The following KIAA1191 variants were observed in gnomAD, a reference collection of about 807,000 sequenced individuals.
KIAA1191 encodes KIAA1191.
A neutral mutation model predicts 31.1 loss-of-function variants in KIAA1191; 22 were observed. The ratio of observed to expected loss-of-function variants is 0.71; its 90% CI spans 0.51 to 1.01. The LOEUF (loss-of-function observed/expected upper bound fraction) is 1.01. Ranked by LOEUF, KIAA1191 falls within the 50% of genes least tolerant of loss-of-function variation. The pLI is 0.00. For missense variants in KIAA1191, 319 were observed against 388.0 expected, an observed-to-expected ratio of 0.82 and a Z score of 1.49; for synonymous variants, 130 against 143.9, an observed-to-expected ratio of 0.90 and a Z score of 0.69.
Position 176,359,524 on chromosome 5 carries a change from C to T in KIAA1191, c.-16G>A. ...TTGAAGCCATTGAAAGACTGGGATCCAGGTGCTTTTTCTATACAGAATTCC... is the reference window on the plus strand; with the variant it reads ...TTGAAGCCATTGAAAGACTGGGATCTAGGTGCTTTTTCTATACAGAATTCC... On this transcript the variant is annotated 5_prime_UTR_variant, in exon 3 of 9. Transcript: ENST00000298569. 16 of 1,611,816 alleles carry T rather than the reference C, an allele frequency of 9.9e-6. No individual in the cohort carries two copies. Among genetic ancestry groups the T allele is most frequent in the Non-Finnish European group, 1.3e-5 (15 of 1,178,136 alleles).
rs1004664116 is a variant in KIAA1191 at position 176,346,578 on chromosome 5, T to A, written c.*1022A>T. 1.3e-5 allele frequency: 2 copies of A among 152,252 alleles called. No homozygotes were observed. The highest frequency in any genetic ancestry group is 4.8e-5 in the African/African-American group (2 of 41,466). 9.4% of individuals were successfully genotyped at this position (152,252 alleles called of 1,614,324 possible). ...TCTCTTAGGAAGTTTTTAACCAAAT[T>A]ACAGCTAAATTAATCTCACTTTAAA... On this transcript the variant is annotated 3_prime_UTR_variant, in exon 9 of 9. Coordinates refer to ENST00000298569, the MANE Select transcript of KIAA1191 (RefSeq NM_020444.5).
In KIAA1191 at chr5:176,359,804, A is replaced by G. The variant is rs1332845765; in HGVS notation, c.-60+7T>C. The G allele has an allele frequency of 3.2e-6, 1 of 316,754 alleles. No individual in the cohort carries two copies. The highest frequency in any genetic ancestry group is 2.1e-5 in the African/African-American group (1 of 47,912). The allele number at this position is 316,754 out of a possible 1,614,324, so 19.6% of individuals were successfully genotyped here. A position where few individuals can be genotyped will look rare whatever the true frequency, so the allele number is the denominator to read the frequency against. Reference sequence around the variant, plus strand: ...AGATGCCATACATGGTGAAAAAGTCACCTTACCACAGTGAAATGATGTGAT... The same window carrying G: ...AGATGCCATACATGGTGAAAAAGTCGCCTTACCACAGTGAAATGATGTGAT... On this transcript the variant is annotated splice_region_variant and intron_variant, in intron 2 of 8. Transcript: ENST00000298569.
chr5:176,358,576 C>T (rs1009522558), intron 3 of KIAA1191, among the ~76,000 whole-genome samples: 1 of 151,960 alleles, frequency 6.6e-6, no homozygotes, highest in African/African-American at 2.4e-5. Flanking sequence ...ATTAGCCGGG[C>T]GTGGTGGCAG....
At position 176,346,395 on chromosome 5, in the gene KIAA1191, C is replaced by T. The variant is rs1280381398; in HGVS notation, c.*1205G>A. 1.3e-5 allele frequency: 2 copies of T among 152,384 alleles called. No individual in the cohort carries two copies. The highest frequency in any genetic ancestry group is 3.4e-3 in the Middle Eastern group (1 of 294). 9.4% of individuals were successfully genotyped at this position (152,384 alleles called of 1,614,324 possible). Reference sequence around the variant, plus strand: ...GAATTGAGTGACCTCCCCGCACAGGCGTTCCAGGCCCTGACCTGAACAAGG... The same window carrying T: ...GAATTGAGTGACCTCCCCGCACAGGTGTTCCAGGCCCTGACCTGAACAAGG... On this transcript the variant is annotated 3_prime_UTR_variant, in exon 9 of 9. Coordinates refer to ENST00000298569, the MANE Select transcript of KIAA1191 (RefSeq NM_020444.5).
At chr5:176,349,083 CTG>C (rs1184274458) in intron 6 of KIAA1191, 4 of 152,240 alleles carry the variant, frequency 2.6e-5, no homozygotes, top group Non-Finnish European at 4.4e-5. Flanking sequence ...AGTTGACAAT[CTG>C]TTACAAGATG....
Position 176,347,601 on chromosome 5 carries a change from T to TATAG in KIAA1191, c.916_917insCTAT (p.Ter306SerfsTer11), listed in dbSNP as rs1452420185. The TATAG allele has an allele frequency of 6.7e-6, 10 of 1,495,048 alleles. No individual in the cohort carries two copies. The highest frequency in any genetic ancestry group is 8.9e-6 in the Non-Finnish European group (10 of 1,122,218). The allele number at this position is 1,495,048 out of a possible 1,614,324, so 92.6% of individuals were successfully genotyped here. ...ACCAGAATCCCTGGAAAGAGGGCTC[T>TATAG]AGAAGCCAGTGGGTGTGAGCACATT... is the stretch of plus-strand genomic sequence containing the variant. On this transcript the variant is annotated frameshift_variant and stop_lost, in exon 9 of 9. Transcript: ENST00000298569. LOFTEE classifies it high-confidence loss of function.
Position 176,350,576 on chromosome 5 carries a change from T to C in KIAA1191, c.459+37A>G, listed in dbSNP as rs1448972475. On this transcript the variant is annotated intron_variant, in intron 6 of 8. Transcript: ENST00000298569. ...CAGCCACATTTCAAGCCATGAACAC[T>C]GAAGGTTTTGTTTTTTCAAAGTTCC... 3 of 1,607,946 alleles carry C rather than the reference T, an allele frequency of 1.9e-6. No homozygotes were observed. In the African/African-American group the frequency reaches 4.0e-5, roughly 22 times the overall value.
chr5:176,357,388 A>G (rs1767602748), intron 3 of KIAA1191: 1 of 152,158 alleles, frequency 6.6e-6, no homozygotes, highest in Admixed American at 6.6e-5. Context: ...AAATCACGAC[A>G]TTGTTCACTT....
In KIAA1191 at chr5:176,347,542, GT is replaced by G; in HGVS notation, c.*57del. 7.5e-7 allele frequency: 1 copy of G among 1,327,188 alleles called. No individual in the cohort carries two copies. The highest frequency in any genetic ancestry group is 1.0e-6 in the Non-Finnish European group (1 of 988,860). 82.2% of individuals were successfully genotyped at this position (1,327,188 alleles called of 1,614,324 possible). On this transcript the variant is annotated 3_prime_UTR_variant, in exon 9 of 9. Transcript: ENST00000298569. ...ATACCTTTCCTATGTCAAAGCCAAGGTAAAAGGGGAGTGGGATGCAAGAAAC... is the reference window on the plus strand; with the variant it reads ...ATACCTTTCCTATGTCAAAGCCAAGGAAAAGGGGAGTGGGATGCAAGAAAC...
At chr5:176,354,417 C>T (rs13187865) in intron 4 of KIAA1191, 12,139 of 152,076 alleles carry the variant, frequency 0.08, 519 homozygotes, top group Middle Eastern at 0.11. Context: ...GTGAACTTGG[C>T]GGGCCTACTT....
chr5:176,355,712 C>T lies in KIAA1191; in HGVS notation c.66G>A (p.Leu22=). Reference sequence around the variant, plus strand: ...CTGCCCGGCGGTATATCCCGATGGGCAGGGACATCTTGCCTAGAGGCGCAC... The same window carrying T: ...CTGCCCGGCGGTATATCCCGATGGGTAGGGACATCTTGCCTAGAGGCGCAC... ...EASAPLGKMS[L]PIGIYRRAVS... Residue 22 remains leucine (L), a synonymous_variant, in exon 4 of 9, where the codon CTG becomes CTA. Transcript: ENST00000298569. The surrounding 1 kb of genome is among the most constrained non-coding windows in gnomAD (Gnocchi z 4.2). The T allele has an allele frequency of 6.2e-7, 1 of 1,613,918 alleles. No homozygotes were observed. Among genetic ancestry groups the T allele is most frequent in the Non-Finnish European group, 8.5e-7 (1 of 1,180,028 alleles).
At chr5:176,350,860 G>A (rs1177794230) in intron 5 of KIAA1191, 123 bp from the exon 6 acceptor site, 1 of 1,228,908 alleles carries the variant, frequency 8.1e-7, no homozygotes, top group African/African-American at 1.5e-5. Context: ...TCAAAGAAGA[G>A]GAGACTTTCC....
In KIAA1191 at chr5:176,347,304, C is replaced by T. The variant is rs757583657; in HGVS notation, c.*296G>A. 5.9e-5 allele frequency: 11 copies of T among 188,010 alleles called. No homozygotes were observed. The highest frequency in any genetic ancestry group is 2.4e-4 in the Admixed American group (4 of 16,588). 11.6% of individuals were successfully genotyped at this position (188,010 alleles called of 1,614,324 possible). The stretch of plus-strand genomic sequence containing the variant: ...ACAACATCTGCTTCCTGGGTTCAGG[C>T]GATTCTCCTGCCTCAGCCTCCCAAG... On this transcript the variant is annotated 3_prime_UTR_variant, in exon 9 of 9. Transcript: ENST00000298569.
In KIAA1191 at chr5:176,347,693, C is replaced by T; in HGVS notation, c.825G>A (p.Met275Ile). 6.3e-7 allele frequency: 1 copy of T among 1,597,902 alleles called. No individual in the cohort carries two copies. ...TCTTTCCTTCCATCACTGGGATGTC[C>T]ATCTTGGGGGGCTTCAAGGCTGCTG... Reference protein sequence around the residue: ...EDPAALKPPKMDIPVMEGKKQ... With the variant: ...EDPAALKPPKIDIPVMEGKKQ... The change falls in exon 9 of 9, where the codon ATG (methionine) becomes ATA (isoleucine). Residue 275 changes from methionine (M) to isoleucine (I), a missense_variant. Transcript: ENST00000298569.
chr5:176,357,000 G>C (rs1458326879), intron 3 of KIAA1191, among the ~76,000 whole-genome samples: 1 of 152,152 alleles, frequency 6.6e-6, no homozygotes, highest in African/African-American at 2.4e-5. Flanking sequence ...TTCCTTTGGA[G>C]GTTATGAAAA....
chr5:176,356,435 G>A (rs887858898), intron 3 of KIAA1191, among the ~76,000 whole-genome samples: 3 of 152,186 alleles, frequency 2.0e-5, no homozygotes, highest in African/African-American at 7.2e-5. Context: ...CAAGGTCTGT[G>A]AATCCTCTAC....
intron 2 of KIAA1191, 108 bp from the exon 3 acceptor site, chr5:176,359,675 C>A: frequency 1.6e-6 from 1 of 618,108 alleles, no homozygotes; most frequent in Admixed American, 2.7e-5. Flanking sequence ...AACACACATG[C>A]AAGAGCCAGT....
chr5:176,353,733 G>C (rs978670772), intron 4 of KIAA1191: 1 of 152,204 alleles, frequency 6.6e-6, no homozygotes, highest in Non-Finnish European at 1.5e-5. Flanking sequence ...AGCTGTTCCA[G>C]CTGAGGCCCA....
rs1037376880 is a variant in KIAA1191, at chr5:176,347,080, T to G, written c.*520A>C. ...CATACACCCGTGCTGAGAATATTAG[T>G]CTAACTTTAAAGCAGTACAAAATGG... is the stretch of plus-strand genomic sequence containing the variant. On this transcript the variant is annotated 3_prime_UTR_variant, in exon 9 of 9. Coordinates refer to ENST00000298569, the MANE Select transcript of KIAA1191 (RefSeq NM_020444.5). 1 of 152,208 alleles carries G rather than the reference T, an allele frequency of 6.6e-6. No homozygotes were observed. Among genetic ancestry groups the G allele is most frequent in the African/African-American group, 2.4e-5 (1 of 41,452 alleles). 9.4% of individuals were successfully genotyped at this position (152,208 alleles called of 1,614,324 possible). A position where few individuals can be genotyped will look rare whatever the true frequency, so the allele number is the denominator to read the frequency against.
Sources: gnomAD v4.1 joint callset for allele counts (sites outside exome capture counted in the v4.1 genomes callset) on GRCh38, gnomAD v4.1.1 for gene constraint, Gnocchi (gnomAD v3.1) non-coding constraint, MANE v1.5 for transcripts, NCBI Gene and HGNC (gene_info 2026-07-23, HGNC 2026-07-21) for gene names.